DNAI2: variants seen among roughly 807,000 people sequenced by gnomAD.
The protein encoded by DNAI2 is dynein, axonemal, intermediate polypeptide 2.
Under a neutral mutation model 74.7 loss-of-function variants are expected in DNAI2, and 63 were observed. That is an observed-to-expected ratio of 0.84 (90% CI 0.69 to 1.04). The LOEUF (loss-of-function observed/expected upper bound fraction) is 1.04, where lower values mean the gene tolerates loss of function less well. Ranked by LOEUF, DNAI2 falls within the 50% of genes least tolerant of loss-of-function variation. DNAI2 has a pLI of 0.00. For missense variants in DNAI2, 688 were observed against 803.2 expected (o/e 0.86, Z 1.73); for synonymous variants, 289 against 314.9 (o/e 0.92, Z 0.87).
chr17:74,282,484 A>G (rs1351142013), intron 2 of DNAI2, among the ~76,000 whole-genome samples: 2 of 152,142 alleles, frequency 1.3e-5, no homozygotes, highest in Non-Finnish European at 2.9e-5. Context: ...CAATTCTTGT[A>G]GAGATGAGGT....
At chr17:74,306,187 T>C (rs2053181682) in intron 9 of DNAI2, among the ~76,000 whole-genome samples, 2 of 152,268 alleles carry the variant, frequency 1.3e-5, no homozygotes, top group Non-Finnish European at 2.9e-5. Context: ...AGGCATAGCC[T>C]GTCTTGCTCA....
At chr17:74,280,757 T>A (rs1357162798) in intron 1 of DNAI2, among the ~76,000 whole-genome samples, 1 of 152,116 alleles carries the variant, frequency 6.6e-6, no homozygotes, top group Non-Finnish European at 1.5e-5. Context: ...ACCATCAATA[T>A]TTCCTCCTGC....
chr17:74,276,258 G>A (rs1405419250), intron 1 of DNAI2, among the ~76,000 whole-genome samples: 5 of 152,158 alleles, frequency 3.3e-5, no homozygotes, highest in Non-Finnish European at 2.9e-5. Context: ...CCTCCCCGGG[G>A]ATGCGGGAGA....
At chr17:74,302,213 T>G (rs2052898868) in intron 8 of DNAI2, among the ~76,000 whole-genome samples, 1 of 151,124 alleles carries the variant, frequency 6.6e-6, no homozygotes, top group South Asian at 2.1e-4. Context: ...GCAGGATCAC[T>G]TGAGCCCAGC....
At chr17:74,308,373 G>A (rs2053308943) in intron 9 of DNAI2, among the ~76,000 whole-genome samples, 1 of 152,182 alleles carries the variant, frequency 6.6e-6, no homozygotes, top group African/African-American at 2.4e-5. Flanking sequence ...TTATCTCAGC[G>A]GTAGCAGCTT....
chr17:74,284,255 G>A (rs891429338), intron 2 of DNAI2, among the ~76,000 whole-genome samples: 1 of 150,634 alleles, frequency 6.6e-6, no homozygotes, highest in East Asian at 1.9e-4. Context: ...GGAAAGTGGC[G>A]ACACCCACGT....
intron 6 of DNAI2, among the ~76,000 whole-genome samples, chr17:74,295,233 T>TTA (rs377712998): frequency 8.9e-6 from 1 of 112,356 alleles, no homozygotes; most frequent in East Asian, 2.6e-4. Flanking sequence ...CATCTCTACT[T>TTA]AAAAAAAAAA....
chr17:74,282,487 G>A (rs2051453109), intron 2 of DNAI2, among the ~76,000 whole-genome samples: 1 of 152,158 alleles, frequency 6.6e-6, no homozygotes, highest in Non-Finnish European at 1.5e-5. Flanking sequence ...TTCTTGTAGA[G>A]ATGAGGTTTT....
At chr17:74,302,742 G>A (rs1313628633) in intron 8 of DNAI2, among the ~76,000 whole-genome samples, 1 of 152,208 alleles carries the variant, frequency 6.6e-6, no homozygotes, top group Non-Finnish European at 1.5e-5. Flanking sequence ...TTACGTCTTA[G>A]TGCAGCCCAG....
chr17:74,312,865 C>T (rs1033408542), intron 12 of DNAI2, among the ~76,000 whole-genome samples: 2 of 152,168 alleles, frequency 1.3e-5, no homozygotes, highest in Non-Finnish European at 2.9e-5. Flanking sequence ...GAAGAAAAGA[C>T]ATTGCCTGTC....
intron 12 of DNAI2, among the ~76,000 whole-genome samples, chr17:74,312,987 G>A (rs1433026956): frequency 6.6e-6 from 1 of 152,226 alleles, no homozygotes. Context: ...ACCCTTGTAG[G>A]CAAGACTGGC....
At chr17:74,295,233 T>TA (rs57143936) in intron 6 of DNAI2, among the ~76,000 whole-genome samples, 10,174 of 112,320 alleles carry the variant, frequency 0.091, 1,424 homozygotes, top group African/African-American at 0.28. Flanking sequence ...CATCTCTACT[T>TA]AAAAAAAAAA....
intron 12 of DNAI2, among the ~76,000 whole-genome samples, chr17:74,313,576 G>A (rs570653301): frequency 5.4e-4 from 82 of 152,240 alleles, no homozygotes; most frequent in Middle Eastern, 3.4e-3. Flanking sequence ...GTCCCAAAAC[G>A]TGCTCCTCAC....
At chr17:74,281,068 C>T (rs2051359991) in intron 1 of DNAI2, among the ~76,000 whole-genome samples, 2 of 112,490 alleles carry the variant, frequency 1.8e-5, no homozygotes, top group Admixed American at 2.2e-4. Context: ...GCCTGGGTGA[C>T]AGTACAAGCC....
At chr17:74,285,319 GA>G (rs762842258) in intron 3 of DNAI2, 118 bp downstream of exon 3, 18 of 1,310,558 alleles carry the variant, frequency 1.4e-5, no homozygotes, top group Non-Finnish European at 1.9e-5. Context: ...ATGCTGGGGG[GA>G]AGGGGACCAG....
intron 1 of DNAI2, among the ~76,000 whole-genome samples, chr17:74,279,177 A>G (rs111977308): frequency 0.026 from 3,962 of 152,252 alleles, 166 homozygotes; most frequent in African/African-American, 0.089. Flanking sequence ...AAAATAAATA[A>G]ATAAATAAAA....
intron 1 of DNAI2, among the ~76,000 whole-genome samples, chr17:74,279,559 G>A (rs910475489): frequency 7.2e-5 from 11 of 152,018 alleles, no homozygotes; most frequent in Non-Finnish European, 1.0e-4. Context: ...ATAGAGTCTT[G>A]CTCTGTCATC....
chr17:74,292,085 A>T (rs1165288620), intron 6 of DNAI2, among the ~76,000 whole-genome samples: 1 of 152,104 alleles, frequency 6.6e-6, no homozygotes, highest in Non-Finnish European at 1.5e-5. Flanking sequence ...GACTTGTCTC[A>T]AATTCCTGAC....
intron 9 of DNAI2, among the ~76,000 whole-genome samples, chr17:74,308,781 C>T (rs1232876347): frequency 6.6e-6 from 1 of 152,008 alleles, no homozygotes; most frequent in Non-Finnish European, 1.5e-5. Flanking sequence ...CTTGGCCTCC[C>T]AAAGTGCTGG....
Sources: allele counts gnomAD v4.1 joint callset (sites outside exome capture counted in the v4.1 genomes callset), GRCh38; gene constraint gnomAD v4.1.1; transcripts MANE v1.5; gene names NCBI Gene and HGNC (gene_info 2026-07-23, HGNC 2026-07-21).